Variants in GRK1 observed in about 807,000 individuals in gnomAD.
The protein encoded by GRK1 is rhodopsin kinase GRK1.
In GRK1, 28 loss-of-function variants were observed where a neutral mutation model predicts 41.7. That is an observed-to-expected ratio of 0.67 (90% CI 0.50 to 0.92). The LOEUF (loss-of-function observed/expected upper bound fraction) is 0.92, where lower values mean the gene tolerates loss of function less well. Among genes scored for constraint, GRK1 ranks in the 40% least tolerant of loss-of-function variants. The pLI, the probability that GRK1 is intolerant of heterozygous loss-of-function variation, is 0.00. For missense variants in GRK1, 703 were observed against 671.2 expected, an observed-to-expected ratio of 1.05 and a Z score of -0.52; for synonymous variants, 327 against 286.7, an observed-to-expected ratio of 1.14 and a Z score of -1.42.
chr13:113,729,867 G>A (rs954319058), intron 4 of GRK1, among the ~76,000 whole-genome samples: 3 of 147,282 alleles, frequency 2.0e-5, no homozygotes, highest in South Asian at 2.2e-4. Context: ...CCATGGATGC[G>A]CCCAGACCCG....
intron 5 of GRK1, among the ~76,000 whole-genome samples, chr13:113,732,160 AGGCCACCG>A (rs2049941832): frequency 6.6e-6 from 1 of 152,136 alleles, no homozygotes; most frequent in Non-Finnish European, 1.5e-5. Context: ...CGGAGCCAGA[AGGCCACCG>A]TCTCAGAGTT....
At chr13:113,657,921 C>T in the GRK1 span, 21 of 863,742 alleles carry the variant, frequency 2.4e-5, no homozygotes, top group East Asian at 5.4e-5. Context: ...CAGGCAGCAT[C>T]GGGGTCTCAC....
rs200813373 is a variant in GRK1 at position 113,667,396 on chromosome 13, G to C, written c.10G>C (p.Gly4Arg). 18 of 1,573,442 alleles carry C rather than the reference G, an allele frequency of 1.1e-5. No individual in the cohort carries two copies. The Admixed American group carries it at 2.5e-4, about 22-fold the overall frequency. The change falls in exon 1 of 7, where the codon GGG (glycine) becomes CGG (arginine). Residue 4 changes from glycine (G) to arginine (R), a missense_variant. Transcript: ENST00000335678. This position sits in a 1 kb window ranked among gnomAD's most constrained non-coding sequence, Gnocchi z 7.5. ...GGCAGGAAGCTCCGGGATGGATTTC[G>C]GGTCTTTGGAGACCGTGGTGGCCAA... MDF[G>R]SLETVVANSA...
At chr13:113,732,628 C>T (rs1475500104) in intron 5 of GRK1, among the ~76,000 whole-genome samples, 6 of 152,184 alleles carry the variant, frequency 3.9e-5, no homozygotes, top group Non-Finnish European at 5.9e-5. Context: ...TTGGTGGGTG[C>T]GGCTGTGCTG....
chr13:113,671,564 C>T lies in GRK1; in HGVS notation c.893C>T (p.Thr298Met), dbSNP rs572803634. The T allele has an allele frequency of 7.6e-5, 59 of 777,702 alleles. No individual in the cohort carries two copies. The highest frequency in any genetic ancestry group is 6.5e-4 in the East Asian group (27 of 41,258). 48.2% of individuals were successfully genotyped at this position (777,702 alleles called of 1,614,324 possible). ...GFPEPRALFY[T>M]AQIICGLEHL... The stretch of plus-strand genomic sequence containing the variant: ...CCGGAGCCGCGCGCCCTCTTCTACA[C>T]GGCGCAGATCATCTGCGGCCTGGAG... Residue 298 changes from threonine (T) to methionine (M), a missense_variant, in exon 3 of 7, where the codon ACG becomes ATG. Thr to Met is a moderately conservative substitution (Grantham distance 81). Coordinates refer to ENST00000335678, the MANE Select transcript of GRK1 (RefSeq NM_002929.3). The surrounding 1 kb of genome is among the most constrained non-coding windows in gnomAD (Gnocchi z 4.1).
Position 113,733,779 on chromosome 13 carries a change from G to A in GRK1, c.1396+694G>A, listed in dbSNP as rs935834618. 9.2e-5 allele frequency among the ~76,000 whole-genome samples: 10 copies of A among 108,536 alleles called. 1 individual carries two copies. Among genetic ancestry groups the A allele is most frequent in the Non-Finnish European group, 1.7e-4 (9 of 54,150 alleles). 71.2% of individuals were successfully genotyped at this position (108,536 alleles called of 152,430 possible). A position where few individuals can be genotyped will look rare whatever the true frequency, so the allele number is the denominator to read the frequency against. Reference sequence around the variant, plus strand: ...TGTGCGTGTGTATGTGTGTGCATACGTGTGTGCATGTGTGTATGTGTATCT... The same window carrying A: ...TGTGCGTGTGTATGTGTGTGCATACATGTGTGCATGTGTGTATGTGTATCT... On this transcript the variant is annotated intron_variant, in intron 6 of 6. Coordinates refer to ENST00000335678, the MANE Select transcript of GRK1 (RefSeq NM_002929.3).
At chr13:113,730,065 A>G (rs562079218) in intron 4 of GRK1, among the ~76,000 whole-genome samples, 260 of 133,674 alleles carry the variant, frequency 1.9e-3, no homozygotes, top group Non-Finnish European at 3.4e-3. Context: ...CCATCCCGAC[A>G]CAGTCCCCCA....
chr13:113,664,196 G>GT (rs991241942), upstream of GRK1, among the ~76,000 whole-genome samples: 9 of 152,160 alleles, frequency 5.9e-5, no homozygotes, highest in Admixed American at 5.9e-4. This position sits in a 1 kb window ranked among gnomAD's most constrained non-coding sequence, Gnocchi z 5.4. Context: ...AGAAGTCGTG[G>GT]TTGCCGGGCA....
rs200452678 is a variant in GRK1 at position 113,732,975 on chromosome 13, C to T, written c.1286C>T (p.Ala429Val). Reference protein sequence around the residue: ...FSQASKDFCEALLEKDPEKRL... With the variant: ...FSQASKDFCEVLLEKDPEKRL... ...CAGGCCAGCAAGGACTTCTGCGAGG[C>T]GCTGCTGGAGAAGGACCCGGAGAAG... is the stretch of plus-strand genomic sequence containing the variant. The change falls in exon 6 of 7, where the codon GCG (alanine) becomes GTG (valine). Residue 429 changes from alanine (A) to valine (V), a missense_variant. Coordinates refer to ENST00000335678, the MANE Select transcript of GRK1 (RefSeq NM_002929.3). The T allele has an allele frequency of 8.0e-5, 123 of 1,537,080 alleles. No individual in the cohort carries two copies. The African/African-American group carries it at 1.3e-3, about 17-fold the overall frequency.
the GRK1 span, chr13:113,652,945 G>A: frequency 6.2e-7 from 1 of 1,614,254 alleles, no homozygotes; most frequent in Non-Finnish European, 8.5e-7. Context: ...GGCCTGAGCA[G>A]TTCTGCAGCA....
chr13:113,651,655 G>A, the GRK1 span: 54 of 1,597,448 alleles, frequency 3.4e-5, no homozygotes, highest in African/African-American at 1.9e-4. Flanking sequence ...CCTGCCCGCC[G>A]CGCGGCCGTA....
At chr13:113,730,732 C>T (rs533923062) in intron 4 of GRK1, among the ~76,000 whole-genome samples, 23 of 152,348 alleles carry the variant, frequency 1.5e-4, no homozygotes, top group Admixed American at 9.8e-4. Flanking sequence ...GAGAACAGGC[C>T]GACAGCTGAG....
chr13:113,731,197 C>G lies in GRK1; in HGVS notation c.1070-22C>G. Reference sequence around the variant, plus strand: ...ACCATGGAGGTGACCACCTCTGAACCCGCAATGTCCCTTGCTGGCAGGTTT... The same window carrying G: ...ACCATGGAGGTGACCACCTCTGAACGCGCAATGTCCCTTGCTGGCAGGTTT... On this transcript the variant is annotated intron_variant, in intron 4 of 6. Coordinates refer to ENST00000335678, the MANE Select transcript of GRK1 (RefSeq NM_002929.3). This position sits in a 1 kb window ranked among gnomAD's most constrained non-coding sequence, Gnocchi z 5.6. The G allele has an allele frequency of 6.5e-7, 1 of 1,535,798 alleles. No individual in the cohort carries two copies. The highest frequency in any genetic ancestry group is 1.2e-5 in the South Asian group (1 of 83,964).
intron 6 of GRK1, among the ~76,000 whole-genome samples, chr13:113,733,715 ACGTGTGTGTGCG>A (rs1361827372): frequency 5.2e-5 from 5 of 97,034 alleles, no homozygotes; most frequent in East Asian, 3.3e-4. Flanking sequence ...GTGTGTGCGC[ACGTGTGTGTGCG>A]CGCGTGTGTA....
At position 113,733,891 on chromosome 13, in the gene GRK1, G is replaced by A. The variant is rs1299358100; in HGVS notation, c.1396+806G>A. Among the ~76,000 whole-genome samples the A allele has an allele frequency of 1.0e-4, 9 of 86,528 alleles. 1 individual carries two copies. The highest frequency in any genetic ancestry group is 3.2e-4 in the Admixed American group (3 of 9,310). The allele number at this position is 86,528 out of a possible 152,430, so 56.8% of individuals were successfully genotyped here. A position where few individuals can be genotyped will look rare whatever the true frequency, so the allele number is the denominator to read the frequency against. ...TGTGCGTGTGTGCATACGTGTGTGC[G>A]TGTGTGTATGTGTGCATACAGTGTG... On this transcript the variant is annotated intron_variant, in intron 6 of 6. Transcript: ENST00000335678.
At chr13:113,668,624 G>T (rs1020397894) in intron 1 of GRK1, among the ~76,000 whole-genome samples, 1 of 152,254 alleles carries the variant, frequency 6.6e-6, no homozygotes, top group African/African-American at 2.4e-5. Flanking sequence ...CGACGGGCAC[G>T]CAGGCCGCTC....
chr13:113,654,255 G>A, the GRK1 span, among the ~76,000 whole-genome samples: 2 of 152,188 alleles, frequency 1.3e-5, no homozygotes, highest in Non-Finnish European at 2.9e-5. Flanking sequence ...CCTTCAGCAG[G>A]GTCTGAGGGA....
At chr13:113,653,494 G>A in the GRK1 span, 1 of 1,483,436 alleles carries the variant, frequency 6.7e-7, no homozygotes, top group East Asian at 2.3e-5. Flanking sequence ...TAAGCCATCA[G>A]TTCTGAAGTG....
the GRK1 span, among the ~76,000 whole-genome samples, chr13:113,659,002 C>G: frequency 6.6e-6 from 1 of 152,134 alleles, no homozygotes; most frequent in African/African-American, 2.4e-5. Context: ...GGATGCTCAG[C>G]CTGGGCAGTA....
Sources: allele counts gnomAD v4.1 joint callset (sites outside exome capture counted in the v4.1 genomes callset), GRCh38; gene constraint gnomAD v4.1.1; non-coding constraint Gnocchi (gnomAD v3.1); transcripts MANE v1.5; gene names NCBI Gene and HGNC (gene_info 2026-07-23, HGNC 2026-07-21).